The following RAB11FIP4 variants were observed in gnomAD, a reference collection of about 807,000 sequenced individuals.
RAB11FIP4 encodes the protein rab11 family-interacting protein 4.
Under a neutral mutation model 74.3 loss-of-function variants are expected in RAB11FIP4, and 23 were observed. The ratio of observed to expected loss-of-function variants is 0.31; its 90% CI spans 0.22 to 0.44. The LOEUF (loss-of-function observed/expected upper bound fraction) is 0.44, where lower values mean the gene tolerates loss of function less well. Ranked by LOEUF, RAB11FIP4 falls within the 20% of genes least tolerant of loss-of-function variation. The pLI, the probability that RAB11FIP4 is intolerant of heterozygous loss-of-function variation, is 1.00. For missense variants in RAB11FIP4, 630 were observed against 863.9 expected (o/e 0.73, Z 3.39); for synonymous variants, 360 against 359.9 (o/e 1.00, Z 0.00).
chr17:31,485,349 G>A (rs1335464799), intron 3 of RAB11FIP4, among the ~76,000 whole-genome samples: 1 of 152,234 alleles, frequency 6.6e-6, no homozygotes, highest in Admixed American at 6.5e-5. Context: ...GATACCACCC[G>A]TTCCATAGAG....
intron 1 of RAB11FIP4, among the ~76,000 whole-genome samples, chr17:31,413,342 C>T (rs761671127): frequency 9.2e-5 from 14 of 152,132 alleles, no homozygotes; most frequent in African/African-American, 2.9e-4. Context: ...AAGCCCACAG[C>T]GAGCAGCGCC....
intron 3 of RAB11FIP4, among the ~76,000 whole-genome samples, chr17:31,449,168 G>A (rs1229034000): frequency 3.9e-5 from 6 of 151,988 alleles, no homozygotes; most frequent in African/African-American, 1.2e-4. Flanking sequence ...TTGCTGCTGG[G>A]ATGGTGAGTG....
intron 3 of RAB11FIP4, among the ~76,000 whole-genome samples, chr17:31,483,789 G>C (rs1025879790): frequency 6.6e-6 from 1 of 152,130 alleles, no homozygotes; most frequent in Non-Finnish European, 1.5e-5. Context: ...TCAAAATAAT[G>C]ATCATGAAAC....
At chr17:31,425,651 C>T (rs1308496904) in intron 1 of RAB11FIP4, among the ~76,000 whole-genome samples, 1 of 152,134 alleles carries the variant, frequency 6.6e-6, no homozygotes, top group African/African-American at 2.4e-5. Context: ...TGAGTGGCCC[C>T]AAAAAGGAAA....
intron 3 of RAB11FIP4, among the ~76,000 whole-genome samples, chr17:31,509,814 A>G (rs896811608): frequency 1.3e-5 from 2 of 152,050 alleles, no homozygotes; most frequent in East Asian, 1.9e-4. Flanking sequence ...GGGTGAGCCG[A>G]GGCCTCATGT....
chr17:31,474,670 A>C (rs1156645702), intron 3 of RAB11FIP4, among the ~76,000 whole-genome samples: 1 of 10,668 alleles, frequency 9.4e-5, no homozygotes, highest in African/African-American at 2.5e-4. Context: ...CTCCATCTCA[A>C]AAAAAAAAAA....
intron 3 of RAB11FIP4, among the ~76,000 whole-genome samples, chr17:31,462,577 C>T (rs1288400872): frequency 6.6e-6 from 1 of 152,152 alleles, no homozygotes; most frequent in Admixed American, 6.5e-5. Context: ...GCACCAGCCT[C>T]GGTCCGGACT....
At chr17:31,429,153 C>T (rs2071282496) in intron 1 of RAB11FIP4, among the ~76,000 whole-genome samples, 1 of 152,078 alleles carries the variant, frequency 6.6e-6, no homozygotes, top group Non-Finnish European at 1.5e-5. Flanking sequence ...ATGTACCAGT[C>T]ACGGTGCAAG....
chr17:31,443,451 T>G (rs1387330328), intron 3 of RAB11FIP4, among the ~76,000 whole-genome samples: 1 of 152,246 alleles, frequency 6.6e-6, no homozygotes, highest in East Asian at 1.9e-4. Context: ...TTCTGTTTTA[T>G]TTTTGTGTAT....
chr17:31,481,988 GTGT>G (rs2071854657), intron 3 of RAB11FIP4, among the ~76,000 whole-genome samples: 1 of 152,166 alleles, frequency 6.6e-6, no homozygotes, highest in South Asian at 2.1e-4. Flanking sequence ...CAACACCGGA[GTGT>G]TTGCCAAGGG....
intron 1 of RAB11FIP4, among the ~76,000 whole-genome samples, chr17:31,413,657 C>T (rs1370962855): frequency 2.0e-5 from 3 of 152,086 alleles, no homozygotes; most frequent in African/African-American, 7.2e-5. Flanking sequence ...ACCTGCAGTC[C>T]AGCATAACCC....
At chr17:31,471,888 C>T (rs925803072) in intron 3 of RAB11FIP4, among the ~76,000 whole-genome samples, 2 of 152,036 alleles carry the variant, frequency 1.3e-5, no homozygotes, top group Non-Finnish European at 2.9e-5. Flanking sequence ...CGGGGCCGGG[C>T]GCAGTGGCTC....
At chr17:31,530,121 C>G (rs1210706862) in intron 13 of RAB11FIP4, among the ~76,000 whole-genome samples, 1 of 152,236 alleles carries the variant, frequency 6.6e-6, no homozygotes, top group African/African-American at 2.4e-5. Flanking sequence ...CCCAGGATGC[C>G]AGTCCCCTGG....
At chr17:31,416,723 T>C (rs975403879) in intron 1 of RAB11FIP4, among the ~76,000 whole-genome samples, 2 of 152,126 alleles carry the variant, frequency 1.3e-5, no homozygotes, top group Non-Finnish European at 2.9e-5. Flanking sequence ...CTAGGGGCAG[T>C]TGGATTCCAA....
chr17:31,401,612 G>T (rs1252189667), intron 1 of RAB11FIP4, among the ~76,000 whole-genome samples: 1 of 152,234 alleles, frequency 6.6e-6, no homozygotes, highest in African/African-American at 2.4e-5. Context: ...GCTTACAGGC[G>T]CAAAACCCGG....
chr17:31,456,878 G>A (rs779750446), intron 3 of RAB11FIP4, among the ~76,000 whole-genome samples: 1 of 152,112 alleles, frequency 6.6e-6, no homozygotes, highest in East Asian at 1.9e-4. Context: ...TATTCCAATG[G>A]AAGCGGGAGC....
rs2072969696 is a variant in RAB11FIP4 at position 31,536,683 on chromosome 17, CCT to C, written c.*4953_*4954del. 2 of 281,498 alleles carry C rather than the reference CCT, an allele frequency of 7.1e-6. No individual in the cohort carries two copies. Among genetic ancestry groups the C allele is most frequent in the African/African-American group, 2.2e-5 (1 of 46,042 alleles). The allele number at this position is 281,498 out of a possible 1,614,324, so 17.4% of individuals were successfully genotyped here. The stretch of plus-strand genomic sequence containing the variant: ...CGCTGATCCTAGGGACCTGCCAGGT[CCT>C]CACTTCCTGCCCTGGGTGCACACAT... On this transcript the variant is annotated 3_prime_UTR_variant, in exon 15 of 15. Coordinates refer to ENST00000621161, the MANE Select transcript of RAB11FIP4 (RefSeq NM_032932.6).
intron 3 of RAB11FIP4, among the ~76,000 whole-genome samples, chr17:31,472,273 C>G (rs1016065779): frequency 4.6e-5 from 7 of 152,192 alleles, no homozygotes; most frequent in Non-Finnish European, 8.8e-5. Flanking sequence ...AACCACTGTG[C>G]AGTGCCGCGT....
At chr17:31,447,403 T>G (rs2071477621) in intron 3 of RAB11FIP4, among the ~76,000 whole-genome samples, 1 of 152,194 alleles carries the variant, frequency 6.6e-6, no homozygotes, top group African/African-American at 2.4e-5. Flanking sequence ...AGATTGAGGC[T>G]ACAGTGAGCC....
Sources: allele counts gnomAD v4.1 joint callset (sites outside exome capture counted in the v4.1 genomes callset), GRCh38; gene constraint gnomAD v4.1.1; transcripts MANE v1.5; gene names NCBI Gene and HGNC (gene_info 2026-07-23, HGNC 2026-07-21).